Variants in COL8A1 observed in about 807,000 individuals in gnomAD.
COL8A1 encodes the protein collagen alpha-1(VIII) chain.
COL8A1 carries 21 observed loss-of-function variants against 42.7 expected under a neutral mutation model. The ratio of observed to expected loss-of-function variants is 0.49; its 90% CI spans 0.35 to 0.71. The LOEUF is 0.71. Ranked by LOEUF, COL8A1 falls within the 30% of genes least tolerant of loss-of-function variation. COL8A1 has a pLI of 0.01. For missense variants in COL8A1, 788 were observed against 962.4 expected (o/e 0.82, Z 2.40); for synonymous variants, 367 against 369.1 (o/e 0.99, Z 0.06).
At chr3:99,731,319 C>T (rs1014752787) in intron 1 of COL8A1, among the ~76,000 whole-genome samples, 1 of 152,072 alleles carries the variant, frequency 6.6e-6, no homozygotes, top group Non-Finnish European at 1.5e-5. Context: ...AGCGTCCAGA[C>T]AGCCATGCAG....
intron 2 of COL8A1, among the ~76,000 whole-genome samples, chr3:99,779,764 A>G (rs1941762193): frequency 6.6e-6 from 1 of 152,232 alleles, no homozygotes; most frequent in Non-Finnish European, 1.5e-5. Flanking sequence ...GAAGTCTTAA[A>G]TTGCATACTC....
At chr3:99,733,215 G>A (rs1010380171) in intron 1 of COL8A1, among the ~76,000 whole-genome samples, 4 of 146,348 alleles carry the variant, frequency 2.7e-5, no homozygotes, top group African/African-American at 1.0e-4. Context: ...AGTTACATAT[G>A]TATACATGTG....
At chr3:99,689,012 A>T (rs1014277820) in intron 1 of COL8A1, among the ~76,000 whole-genome samples, 1 of 152,198 alleles carries the variant, frequency 6.6e-6, no homozygotes, top group Non-Finnish European at 1.5e-5. Flanking sequence ...GACAAAAATC[A>T]CCCTCAGTAG....
chr3:99,784,060 G>T (rs1171808310), intron 2 of COL8A1, among the ~76,000 whole-genome samples: 1 of 152,144 alleles, frequency 6.6e-6, no homozygotes. Flanking sequence ...TGTAAGAGAA[G>T]AATTCCTTAT....
chr3:99,701,746 T>C (rs911890206), intron 1 of COL8A1, among the ~76,000 whole-genome samples: 5 of 152,224 alleles, frequency 3.3e-5, no homozygotes, highest in African/African-American at 1.2e-4. Flanking sequence ...TGGAAGATCA[T>C]CCTCCATGCA....
intron 1 of COL8A1, among the ~76,000 whole-genome samples, chr3:99,742,306 T>C (rs1052161116): frequency 3.4e-4 from 52 of 152,282 alleles, no homozygotes; most frequent in African/African-American, 1.1e-3. Context: ...AAAAAACAAA[T>C]CTAACTAAAT....
At chr3:99,783,658 A>G (rs1227053359) in intron 2 of COL8A1, among the ~76,000 whole-genome samples, 1 of 152,224 alleles carries the variant, frequency 6.6e-6, no homozygotes, top group African/African-American at 2.4e-5. Flanking sequence ...AGGCCTCAAG[A>G]AACTTATAAT....
chr3:99,794,214 C>A lies in COL8A1; in HGVS notation c.329-16C>A. ...CTCTCCCCCCATACCCCTTCTCTCT[C>A]TTCTCTTCCCAGTAGAAATACCATT... On this transcript the variant is annotated splice_polypyrimidine_tract_variant and intron_variant, in intron 3 of 3. Coordinates refer to ENST00000652472, the MANE Select transcript of COL8A1 (RefSeq NM_020351.4). This position sits in a 1 kb window ranked among gnomAD's most constrained non-coding sequence, Gnocchi z 4.3. 1 of 1,519,334 alleles carries A rather than the reference C, an allele frequency of 6.6e-7. No individual in the cohort carries two copies. Among genetic ancestry groups the A allele is most frequent in the South Asian group, 1.3e-5 (1 of 77,294 alleles). 94.1% of individuals were successfully genotyped at this position (1,519,334 alleles called of 1,614,324 possible).
chr3:99,686,733 G>A lies in COL8A1; in HGVS notation c.-129+48069G>A, dbSNP rs530379023. On this transcript the variant is annotated intron_variant, in intron 1 of 3. Coordinates refer to ENST00000652472, the MANE Select transcript of COL8A1 (RefSeq NM_020351.4). ...ACAGGGCCTCACTCTGTCACCCAGT[G>A]GCGTGATCACAGCTCACTGTGGCCT... Among the ~76,000 whole-genome samples, 252 of 152,248 alleles carry A rather than the reference G, an allele frequency of 1.7e-3. 3 individuals carry two copies. The highest frequency in any genetic ancestry group is 5.9e-3 in the African/African-American group (243 of 41,528).
chr3:99,651,849 G>A (rs1409428466), intron 1 of COL8A1, among the ~76,000 whole-genome samples: 1 of 152,148 alleles, frequency 6.6e-6, no homozygotes, highest in African/African-American at 2.4e-5. Context: ...TTTTCCATTC[G>A]CAGCTAAGTT....
chr3:99,760,947 T>C (rs939606473), intron 2 of COL8A1, among the ~76,000 whole-genome samples: 8 of 152,178 alleles, frequency 5.3e-5, no homozygotes, highest in Non-Finnish European at 8.8e-5. Flanking sequence ...GTCAGATCAA[T>C]TGATTTCTTG....
intron 1 of COL8A1, among the ~76,000 whole-genome samples, chr3:99,718,494 A>G (rs2107366224): frequency 6.6e-6 from 1 of 152,198 alleles, no homozygotes; most frequent in South Asian, 2.1e-4. Flanking sequence ...ACTAATTAGA[A>G]CTAATTAGAG....
intron 1 of COL8A1, among the ~76,000 whole-genome samples, chr3:99,724,249 A>T (rs2107373488): frequency 6.6e-6 from 1 of 152,256 alleles, no homozygotes; most frequent in Middle Eastern, 3.4e-3. Flanking sequence ...CAAGGTGATA[A>T]CTGTCTGTCA....
intron 1 of COL8A1, among the ~76,000 whole-genome samples, chr3:99,736,573 T>G (rs1940724791): frequency 6.6e-6 from 1 of 151,886 alleles, no homozygotes; most frequent in Non-Finnish European, 1.5e-5. Context: ...AGTTCTAGTT[T>G]GATTGCACTG....
At position 99,674,814 on chromosome 3, in the gene COL8A1, A is replaced by G. The variant is rs550009045; in HGVS notation, c.-129+36150A>G. 7.0e-4 allele frequency among the ~76,000 whole-genome samples: 106 copies of G among 152,180 alleles called. 2 individuals are homozygous for G. The South Asian group carries it at 0.022, about 31-fold the overall frequency. ...TACTTAATGAATGCTACAGAGACTT[A>G]TTTATTGAATAATGATAAAGTAATA... On this transcript the variant is annotated intron_variant, in intron 1 of 3. Transcript: ENST00000652472.
At chr3:99,785,521 A>G (rs957611223) in intron 2 of COL8A1, among the ~76,000 whole-genome samples, 83 of 152,210 alleles carry the variant, frequency 5.5e-4, no homozygotes, top group African/African-American at 2.0e-3. Context: ...AGGAGGCAGG[A>G]ATAGAACTGG....
intron 1 of COL8A1, among the ~76,000 whole-genome samples, chr3:99,696,999 T>C (rs1939391344): frequency 7.8e-6 from 1 of 128,176 alleles, no homozygotes; most frequent in Non-Finnish European, 1.6e-5. Flanking sequence ...TTTTTTTTTT[T>C]TTTTTGAGAC....
intron 1 of COL8A1, among the ~76,000 whole-genome samples, chr3:99,712,841 T>G (rs1422384762): frequency 6.6e-6 from 1 of 152,070 alleles, no homozygotes; most frequent in Non-Finnish European, 1.5e-5. Flanking sequence ...TCAGGCAAAC[T>G]GGGAAAATTG....
intron 2 of COL8A1, among the ~76,000 whole-genome samples, chr3:99,748,968 A>T (rs1941087205): frequency 6.6e-6 from 1 of 152,250 alleles, no homozygotes; most frequent in South Asian, 2.1e-4. Context: ...ATTATGAATG[A>T]ATGAGACATT....
Sources: gnomAD v4.1 joint callset for allele counts (sites outside exome capture counted in the v4.1 genomes callset) on GRCh38, gnomAD v4.1.1 for gene constraint, Gnocchi (gnomAD v3.1) non-coding constraint, MANE v1.5 for transcripts, NCBI Gene and HGNC (gene_info 2026-07-23, HGNC 2026-07-21) for gene names.